CDH4: variants seen among roughly 807,000 people sequenced by gnomAD.
CDH4 encodes the protein cadherin-4.
In CDH4, 33 loss-of-function variants were observed where a neutral mutation model predicts 86.0. The ratio of observed to expected loss-of-function variants is 0.38; its 90% CI spans 0.29 to 0.51. The LOEUF (loss-of-function observed/expected upper bound fraction) is 0.51. Ranked by LOEUF, CDH4 falls within the 20% of genes least tolerant of loss-of-function variation. The pLI is 0.86. For synonymous variants in CDH4, 555 were observed against 549.4 expected (o/e 1.01, Z -0.14); for missense variants, 1,114 against 1,307.4 (o/e 0.85, Z 2.28).
intron 2 of CDH4, among the ~76,000 whole-genome samples, chr20:61,457,869 G>A (rs552741843): frequency 1.3e-5 from 2 of 150,652 alleles, no homozygotes; most frequent in East Asian, 3.9e-4. Context: ...GGTGGTGATG[G>A]TGATGGTATG....
chr20:61,482,345 C>T (rs1407628480), intron 2 of CDH4, among the ~76,000 whole-genome samples: 1 of 152,134 alleles, frequency 6.6e-6, no homozygotes, highest in Non-Finnish European at 1.5e-5. Context: ...ATAATTGGTC[C>T]ATTTTAACCA....
intron 3 of CDH4, among the ~76,000 whole-genome samples, chr20:61,757,263 G>A (rs1029408633): frequency 2.6e-5 from 4 of 152,032 alleles, no homozygotes; most frequent in African/African-American, 9.7e-5. Flanking sequence ...CAGGGGGCTC[G>A]AGTTTCGGGG....
chr20:61,852,929 C>T lies in CDH4; in HGVS notation c.877+31C>T, dbSNP rs1247083908. 4.3e-6 allele frequency: 7 copies of T among 1,611,214 alleles called. No individual in the cohort carries two copies. The Admixed American group carries it at 6.7e-5, about 15-fold the overall frequency. ...GCCTTTAGCGTTTGCTTGCTGGAGA[C>T]CCTGTGGGCTCTGCGGGTGCAGCAC... On this transcript the variant is annotated intron_variant, in intron 6 of 15. Coordinates refer to ENST00000614565, the MANE Select transcript of CDH4 (RefSeq NM_001794.5).
intron 3 of CDH4, among the ~76,000 whole-genome samples, chr20:61,758,965 G>A (rs1331124177): frequency 2.6e-5 from 4 of 151,694 alleles, no homozygotes; most frequent in Non-Finnish European, 3.0e-5. Flanking sequence ...GTGTGCACAT[G>A]TGCGCATGGG....
rs1417142273 is a variant in CDH4 at position 61,516,011 on chromosome 20, C to T, written c.170-227552C>T. On this transcript the variant is annotated intron_variant, in intron 2 of 15. Transcript: ENST00000614565. This position sits in a 1 kb window ranked among gnomAD's most constrained non-coding sequence, Gnocchi z 4.0. Reference sequence around the variant, plus strand: ...AGGGTAGAATGCAGAACTTCTCCAGCCCCATCTTCCCCTGGGCTCTGGAAC... The same window carrying T: ...AGGGTAGAATGCAGAACTTCTCCAGTCCCATCTTCCCCTGGGCTCTGGAAC... Among the ~76,000 whole-genome samples, 5 of 152,084 alleles carry T rather than the reference C, an allele frequency of 3.3e-5. No individual in the cohort carries two copies. Among genetic ancestry groups the T allele is most frequent in the African/African-American group, 1.2e-4 (5 of 41,396 alleles).
At chr20:61,662,710 C>T (rs947457604) in intron 2 of CDH4, among the ~76,000 whole-genome samples, 8 of 152,172 alleles carry the variant, frequency 5.3e-5, no homozygotes, top group African/African-American at 7.2e-5. Context: ...CAGCTGCTCG[C>T]GTGGCCAACA....
rs1157798382 is a variant in CDH4, at chr20:61,252,868, A to T, written c.57+298A>T. Among the ~76,000 whole-genome samples, 1 of 151,792 alleles carries T rather than the reference A, an allele frequency of 6.6e-6. No individual in the cohort carries two copies. The highest frequency in any genetic ancestry group is 1.5e-5 in the Non-Finnish European group (1 of 67,914). ...CCTCCCTCGAACGCCCAAAGCCCGTAGCCGCTACCCGGAGCTCGGCTTGCC... is the reference window on the plus strand; with the variant it reads ...CCTCCCTCGAACGCCCAAAGCCCGTTGCCGCTACCCGGAGCTCGGCTTGCC... On this transcript the variant is annotated intron_variant, in intron 1 of 15. Transcript: ENST00000614565. The surrounding 1 kb of genome is among the most constrained non-coding windows in gnomAD (Gnocchi z 4.4).
In CDH4 at chr20:61,579,656, C is replaced by T. The variant is rs566779108; in HGVS notation, c.170-163907C>T. On this transcript the variant is annotated intron_variant, in intron 2 of 15. Transcript: ENST00000614565. ...AGGTTGTGTTCCCTGAAAACAGAGG[C>T]CACATCTGGCTTATCTCCCACAACC... Among the ~76,000 whole-genome samples, 9 of 152,148 alleles carry T rather than the reference C, an allele frequency of 5.9e-5. No homozygotes were observed. In the South Asian group the frequency reaches 1.7e-3, roughly 28 times the overall value.
At position 61,254,953 on chromosome 20, in the gene CDH4, G is replaced by T. The variant is rs2084090361; in HGVS notation, c.169+16G>T. 1 of 1,406,296 alleles carries T rather than the reference G, an allele frequency of 7.1e-7. No individual in the cohort carries two copies. Among genetic ancestry groups the T allele is most frequent in the South Asian group, 1.2e-5 (1 of 86,894 alleles). The allele number at this position is 1,406,296 out of a possible 1,614,324, so 87.1% of individuals were successfully genotyped here. On this transcript the variant is annotated intron_variant, in intron 2 of 15. Transcript: ENST00000614565. ...CTACTTCAAGGTAAGGCGGGGTGTG[G>T]AGGGGTGGGAGTGAATTGCTGCCAT...
intron 2 of CDH4, among the ~76,000 whole-genome samples, chr20:61,391,863 G>T (rs2084987923): frequency 1.3e-5 from 2 of 152,130 alleles, no homozygotes. Context: ...ACACTGAGAC[G>T]CTAGGAGGGA....
intron 2 of CDH4, among the ~76,000 whole-genome samples, chr20:61,522,210 G>A (rs1044717721): frequency 2.0e-5 from 3 of 152,144 alleles, no homozygotes; most frequent in African/African-American, 4.8e-5. Context: ...GCCAAGCCTC[G>A]CTGTGATACC....
At position 61,928,385 on chromosome 20, in the gene CDH4, C is replaced by A. The variant is rs150782695; in HGVS notation, c.1967C>A (p.Ala656Glu). ...PYVFELPFVPAAVRKNWTITR... is the reference protein window; with the variant it reads ...PYVFELPFVPEAVRKNWTITR... The stretch of plus-strand genomic sequence containing the variant: ...GTCTTCGAGCTGCCCTTTGTCCCGG[C>A]GGCCGTGCGGAAGAACTGGACCATC... Residue 656 changes from alanine (A) to glutamate (E), a missense_variant, in exon 12 of 16, where the codon GCG becomes GAG. This residue lies in a region of CDH4 where 705 missense variants were observed against 914.1 expected (regional missense o/e 0.77). Coordinates refer to ENST00000614565, the MANE Select transcript of CDH4 (RefSeq NM_001794.5). The A allele has an allele frequency of 4.0e-4, 643 of 1,611,672 alleles. 1 individual carries two copies. Among genetic ancestry groups the A allele is most frequent in the South Asian group, 9.0e-4 (82 of 91,086 alleles).
Position 61,279,890 on chromosome 20 carries a change from G to C in CDH4, c.169+24953G>C, listed in dbSNP as rs1010724610. On this transcript the variant is annotated intron_variant, in intron 2 of 15. Coordinates refer to ENST00000614565, the MANE Select transcript of CDH4 (RefSeq NM_001794.5). Reference sequence around the variant, plus strand: ...GCCAGGATTTCTGTGAGCCTGCCCTGCTTGAAGATACGGATACTCGGAGGG... The same window carrying C: ...GCCAGGATTTCTGTGAGCCTGCCCTCCTTGAAGATACGGATACTCGGAGGG... 6.6e-5 allele frequency among the ~76,000 whole-genome samples: 10 copies of C among 152,184 alleles called. No individual in the cohort carries two copies. In the South Asian group the frequency reaches 8.3e-4, roughly 13 times the overall value.
chr20:61,623,285 C>G lies in CDH4; in HGVS notation c.170-120278C>G, dbSNP rs2033421012. Among the ~76,000 whole-genome samples, 1 of 152,154 alleles carries G rather than the reference C, an allele frequency of 6.6e-6. No individual in the cohort carries two copies. The highest frequency in any genetic ancestry group is 2.4e-5 in the African/African-American group (1 of 41,438). ...CTTTTTCCTTGAGCATCTGGGACGT[C>G]TGTCATCAGCAGACAGCTGCTGGTT... is the stretch of plus-strand genomic sequence containing the variant. On this transcript the variant is annotated intron_variant, in intron 2 of 15. Coordinates refer to ENST00000614565, the MANE Select transcript of CDH4 (RefSeq NM_001794.5). The surrounding 1 kb of genome is among the most constrained non-coding windows in gnomAD (Gnocchi z 4.4).
chr20:61,419,104 T>C (rs1246502738), intron 2 of CDH4, among the ~76,000 whole-genome samples: 2 of 152,178 alleles, frequency 1.3e-5, no homozygotes, highest in East Asian at 1.9e-4. Context: ...ACCATGACAG[T>C]GGGTCAGTGT....
chr20:61,330,402 G>A (rs746917816), intron 2 of CDH4, among the ~76,000 whole-genome samples: 14 of 152,102 alleles, frequency 9.2e-5, no homozygotes, highest in Non-Finnish European at 1.9e-4. Flanking sequence ...TCTAATAATC[G>A]CCATTCTGAC....
chr20:61,570,356 G>C (rs1415098966), intron 2 of CDH4: 1 of 314,532 alleles, frequency 3.2e-6, no homozygotes, highest in Non-Finnish European at 5.9e-6. Flanking sequence ...CCACTTCCCA[G>C]GCCAGACAGG....
At position 61,439,862 on chromosome 20, in the gene CDH4, G is replaced by A. The variant is rs983113553; in HGVS notation, c.169+184925G>A. 4.6e-5 allele frequency among the ~76,000 whole-genome samples: 7 copies of A among 152,174 alleles called. No individual in the cohort carries two copies. The South Asian group carries it at 6.2e-4, about 13-fold the overall frequency. On this transcript the variant is annotated intron_variant, in intron 2 of 15. Transcript: ENST00000614565. Reference sequence around the variant, plus strand: ...TGCCCACATCCTAACTCTTTGTATCGCCCTAGTTACATGGTGATATTGGGG... The same window carrying A: ...TGCCCACATCCTAACTCTTTGTATCACCCTAGTTACATGGTGATATTGGGG...
intron 2 of CDH4, among the ~76,000 whole-genome samples, chr20:61,649,698 G>C (rs1014856368): frequency 6.6e-6 from 1 of 152,180 alleles, no homozygotes; most frequent in African/African-American, 2.4e-5. Context: ...TTTGGAAACC[G>C]CAGAGCAGCT....
Sources: gnomAD v4.1 joint callset for allele counts (sites outside exome capture counted in the v4.1 genomes callset) on GRCh38, gnomAD v4.1.1 for gene constraint, gnomAD v4.1.1 regional missense constraint, Gnocchi (gnomAD v3.1) non-coding constraint, MANE v1.5 for transcripts, NCBI Gene and HGNC (gene_info 2026-07-23, HGNC 2026-07-21) for gene names.